Variants in INTS3 observed in about 807,000 individuals in gnomAD.
The protein encoded by INTS3 is integrator complex subunit 3.
In INTS3, 34 loss-of-function variants were observed where a neutral mutation model predicts 146.3. The ratio of observed to expected loss-of-function variants is 0.23; its 90% CI spans 0.18 to 0.31. The LOEUF (loss-of-function observed/expected upper bound fraction) is 0.31. INTS3 is among the 10% of genes least tolerant of loss of function. The pLI is 1.00. For synonymous variants in INTS3, 475 were observed against 494.9 expected, an observed-to-expected ratio of 0.96 and a Z score of 0.53; for missense variants, 757 against 1,304.2, an observed-to-expected ratio of 0.58 and a Z score of 6.46.
chr1:153,744,521 C>T (rs1671654460), intron 3 of INTS3, among the ~76,000 whole-genome samples: 1 of 152,178 alleles, frequency 6.6e-6, no homozygotes, highest in Non-Finnish European at 1.5e-5. Flanking sequence ...TTTGGTCTCC[C>T]AACCATCAAC....
chr1:153,757,017 A>G lies in INTS3; in HGVS notation c.958-555A>G, dbSNP rs1672187032. On this transcript the variant is annotated intron_variant, in intron 9 of 29. Coordinates refer to ENST00000318967, the MANE Select transcript of INTS3 (RefSeq NM_023015.5). This position sits in a 1 kb window ranked among gnomAD's most constrained non-coding sequence, Gnocchi z 4.0. Reference sequence around the variant, plus strand: ...GGGAATATAAGAAGAGGGAAACCAGATCCTTTTCCTTATTTAGTGTTACTA... The same window carrying G: ...GGGAATATAAGAAGAGGGAAACCAGGTCCTTTTCCTTATTTAGTGTTACTA... 6.6e-6 allele frequency among the ~76,000 whole-genome samples: 1 copy of G among 152,110 alleles called. No homozygotes were observed. The highest frequency in any genetic ancestry group is 1.5e-5 in the Non-Finnish European group (1 of 68,010).
chr1:153,755,410 T>C (rs912968691), intron 9 of INTS3, among the ~76,000 whole-genome samples: 5 of 152,142 alleles, frequency 3.3e-5, no homozygotes, highest in African/African-American at 7.2e-5. Context: ...ATTACAGGCA[T>C]GCACCACACC....
intron 23 of INTS3, 127 bp from the exon 24 acceptor site, chr1:153,770,068 TGTG>T: frequency 3.0e-6 from 1 of 338,680 alleles, no homozygotes; most frequent in African/African-American, 6.9e-5. Context: ...GGTGTGTGTG[TGTG>T]TGTGTGTGTG....
chr1:153,730,322 G>A (rs1671016155), intron 1 of INTS3, among the ~76,000 whole-genome samples: 1 of 152,170 alleles, frequency 6.6e-6, no homozygotes, highest in Non-Finnish European at 1.5e-5. Context: ...TCCCAAAACA[G>A]GTGAGAATGA....
chr1:153,740,300 G>A lies in INTS3; in HGVS notation c.151-351G>A, dbSNP rs183496301. ...TTTTCAGTAGAGACGGGGTTTCACCGTGTTGGCCAGGCTGGTCTTGAACTC... is the reference window on the plus strand; with the variant it reads ...TTTTCAGTAGAGACGGGGTTTCACCATGTTGGCCAGGCTGGTCTTGAACTC... On this transcript the variant is annotated intron_variant, in intron 1 of 29. Transcript: ENST00000318967. Among the ~76,000 whole-genome samples the A allele has an allele frequency of 2.7e-3, 412 of 151,032 alleles. 2 individuals are homozygous for A. Among genetic ancestry groups the A allele is most frequent in the African/African-American group, 9.5e-3 (392 of 41,136 alleles).
chr1:153,746,926 G>A, intron 3 of INTS3, 31 bp from the exon 4 acceptor site: 1 of 1,485,320 alleles, frequency 6.7e-7, no homozygotes. Context: ...TCCTCAGCTT[G>A]CTGGCTGATC....
intron 8 of INTS3, among the ~76,000 whole-genome samples, chr1:153,753,200 T>C (rs1486767155): frequency 1.3e-5 from 2 of 152,156 alleles, no homozygotes; most frequent in Non-Finnish European, 2.9e-5. Context: ...CAAACATGTG[T>C]TACCTCATTT....
At position 153,770,690 on chromosome 1, in the gene INTS3, C is replaced by A; in HGVS notation, c.2509C>A (p.Pro837Thr). ...ILQHLKYKEH[P>T]EALSCLLLQL... Reference sequence around the variant, plus strand: ...CCTCTGCCCTTCCCTCACAGAGCACCCAGAGGCCCTGTCCTGCCTACTGCT... The same window carrying A: ...CCTCTGCCCTTCCCTCACAGAGCACACAGAGGCCCTGTCCTGCCTACTGCT... The change falls in exon 25 of 30, where the codon CCA (proline) becomes ACA (threonine). Residue 837 changes from proline to threonine, a missense_variant. Transcript: ENST00000318967. The A allele has an allele frequency of 1.2e-6, 2 of 1,613,758 alleles. No homozygotes were observed. Among genetic ancestry groups the A allele is most frequent in the Non-Finnish European group, 1.7e-6 (2 of 1,179,680 alleles).
At position 153,748,919 on chromosome 1, in the gene INTS3, A is replaced by T. The variant is rs116689414; in HGVS notation, c.584+164A>T. On this transcript the variant is annotated intron_variant, in intron 6 of 29. Transcript: ENST00000318967. ...AAGTGTATTGTTGGCAAGTGAAGAA[A>T]TTAATGCCCAAGGAATGAAGGAATG... Among the ~76,000 whole-genome samples, 314 of 152,340 alleles carry T rather than the reference A, an allele frequency of 2.1e-3. 2 individuals are homozygous for T. The highest frequency in any genetic ancestry group is 6.9e-3 in the African/African-American group (287 of 41,584).
intron 6 of INTS3, among the ~76,000 whole-genome samples, chr1:153,749,664 T>G (rs1290952607): frequency 6.6e-6 from 1 of 152,258 alleles, no homozygotes; most frequent in African/African-American, 2.4e-5. Context: ...GTCATTGCAC[T>G]AGCACGTGAG....
At chr1:153,762,623 A>T in intron 14 of INTS3, 105 bp from the exon 15 acceptor site, 1 of 1,384,246 alleles carries the variant, frequency 7.2e-7, no homozygotes, top group Admixed American at 2.1e-5. Context: ...TAGATGATAA[A>T]CTCCTTATTC....
chr1:153,770,113 AGTGGATGG>A, intron 23 of INTS3, 77 bp from the exon 24 acceptor site: 1 of 352,946 alleles, frequency 2.8e-6, no homozygotes, highest in East Asian at 6.4e-5. Flanking sequence ...GCTGGTAGTC[AGTGGATGG>A]GGGGGTGGGG....
intron 25 of INTS3, 125 bp from the exon 26 acceptor site, chr1:153,771,671 G>A: frequency 2.3e-6 from 2 of 877,742 alleles, no homozygotes; most frequent in Non-Finnish European, 3.5e-6. Flanking sequence ...CTAAGGAGAA[G>A]AGGGAGAGGG....
Position 153,761,662 on chromosome 1 carries a change from C to T in INTS3, c.1502C>T (p.Ser501Phe), listed in dbSNP as rs1381926657. The T allele has an allele frequency of 3.1e-6, 5 of 1,612,838 alleles. No individual in the cohort carries two copies. The African/African-American group carries it at 4.0e-5, about 13-fold the overall frequency. Residue 501 changes from serine (S) to phenylalanine (F), a missense_variant, in exon 14 of 30, where the codon TCC becomes TTC. Coordinates refer to ENST00000318967, the MANE Select transcript of INTS3 (RefSeq NM_023015.5). ...EKFPEFCSSP[S>F]PPVEVKIEEP... ...TTTCCTGAGTTCTGCAGCTCACCCTCCCCACCTGTGGAAGGTATGAGGCCC... is the reference window on the plus strand; with the variant it reads ...TTTCCTGAGTTCTGCAGCTCACCCTTCCCACCTGTGGAAGGTATGAGGCCC...
Position 153,772,891 on chromosome 1 carries a change from T to C in INTS3, c.2895-34T>C, listed in dbSNP as rs1299094424. On this transcript the variant is annotated intron_variant, in intron 28 of 29. Coordinates refer to ENST00000318967, the MANE Select transcript of INTS3 (RefSeq NM_023015.5). The surrounding 1 kb of genome is among the most constrained non-coding windows in gnomAD (Gnocchi z 4.6). ...GGGAGGTGCCGTAGGAGCAGCAGGC[T>C]CCCACTCAAAGAGCTACCGCTCCTT... 2 of 1,612,942 alleles carry C rather than the reference T, an allele frequency of 1.2e-6. No individual in the cohort carries two copies. The highest frequency in any genetic ancestry group is 1.7e-6 in the Non-Finnish European group (2 of 1,179,310).
At chr1:153,732,434 T>C (rs1671104469) in intron 1 of INTS3, among the ~76,000 whole-genome samples, 1 of 151,820 alleles carries the variant, frequency 6.6e-6, no homozygotes, top group African/African-American at 2.4e-5. Flanking sequence ...CTCACCTACG[T>C]GAGTCCTTGG....
intron 18 of INTS3, 124 bp from the exon 19 acceptor site, chr1:153,764,566 A>G (rs766402674): frequency 5.0e-6 from 4 of 798,474 alleles, no homozygotes; most frequent in Non-Finnish European, 6.8e-6. Flanking sequence ...AAGCCTGCGG[A>G]GCAGCAGGAA....
chr1:153,732,448 T>C, intron 1 of INTS3, among the ~76,000 whole-genome samples: 1 of 132,014 alleles, frequency 7.6e-6, no homozygotes, highest in Non-Finnish European at 1.6e-5. Flanking sequence ...TCCTTGGGGA[T>C]TTTTTTTTTT....
At position 153,728,664 on chromosome 1, in the gene INTS3, A is replaced by C; in HGVS notation, c.30A>C (p.Ala10=). ...AGTTGCAGAAGGGAAAAGGGGCGGC[A>C]GCAGCAGCAGCTGCTTCGGGAGCAG... MELQKGKGA[A]AAAAASGAAG... The change falls in exon 1 of 30, where the codon GCA becomes GCC. Residue 10 remains alanine (A), a synonymous_variant. Transcript: ENST00000318967. 1.3e-6 allele frequency: 2 copies of C among 1,599,436 alleles called. No homozygotes were observed. The highest frequency in any genetic ancestry group is 1.7e-6 in the Non-Finnish European group (2 of 1,173,636).
Sources: allele counts gnomAD v4.1 joint callset (sites outside exome capture counted in the v4.1 genomes callset), GRCh38; gene constraint gnomAD v4.1.1; non-coding constraint Gnocchi (gnomAD v3.1); transcripts MANE v1.5; gene names NCBI Gene and HGNC (gene_info 2026-07-23, HGNC 2026-07-21).